ZNF75D: variants seen among roughly 807,000 people sequenced by gnomAD.
The protein encoded by ZNF75D is zinc finger protein 75D, also known as zinc finger protein 75.
A neutral mutation model predicts 33.3 loss-of-function variants in ZNF75D; 33 were observed. The ratio of observed to expected loss-of-function variants is 0.99; its 90% CI spans 0.75 to 1.32. ZNF75D has a LOEUF of 1.32. Ranked by LOEUF, ZNF75D falls within the 40% of genes most tolerant of loss-of-function variation. The pLI, the probability that ZNF75D is intolerant of heterozygous loss-of-function variation, is 0.00. For synonymous variants in ZNF75D, 113 were observed against 130.6 expected, an observed-to-expected ratio of 0.87 and a Z score of 0.92; for missense variants, 338 against 367.5, an observed-to-expected ratio of 0.92 and a Z score of 0.66.
At chrX:135,307,484 C>G in intron 1 of ZNF75D, among the ~76,000 whole-genome samples, 1 of 111,831 alleles carries the variant, frequency 8.9e-6, no homozygotes, top group East Asian at 2.8e-4. Context: ...CCTGGAAAAT[C>G]CATGTCCTGC....
Position 135,287,193 on chromosome X carries a change from G to C in ZNF75D, c.1477C>G (p.Leu493Val), listed in dbSNP as rs782365684. 1 of 1,209,601 alleles carries C rather than the reference G, an allele frequency of 8.3e-7. No homozygotes were observed. Among genetic ancestry groups the C allele is most frequent in the Non-Finnish European group, 1.1e-6 (1 of 895,163 alleles). The change falls in exon 7 of 7, where the codon CTT becomes GTT. Residue 493 changes from leucine (L) to valine (V), a missense_variant. This residue lies in a region of ZNF75D where 79 missense variants were observed against 80.1 expected (regional missense o/e 0.99). Coordinates refer to ENST00000370766, the MANE Select transcript of ZNF75D (RefSeq NM_007131.5). Reference protein sequence around the residue: ...KRNFSRRSSLLRHQKLHRRRE... With the variant: ...KRNFSRRSSLVRHQKLHRRRE... ...CTTCTGTGGAGTTTCTGGTGTCTAA[G>C]AAGGCTCGATCGCCTACTAAAGTTT...
intron 1 of ZNF75D, among the ~76,000 whole-genome samples, chrX:135,275,452 T>G (rs1271438982): frequency 9.0e-6 from 1 of 111,558 alleles, no homozygotes; most frequent in African/African-American, 3.3e-5. Flanking sequence ...AAGTTATTAT[T>G]TTGTCTATCA....
At position 135,287,740 on chromosome X, in the gene ZNF75D, A is replaced by T. The variant is rs782342753; in HGVS notation, c.930T>A (p.Ile310=). The T allele has an allele frequency of 3.5e-5, 42 of 1,210,369 alleles. No homozygotes were observed. In the South Asian group the frequency reaches 7.4e-4, roughly 21 times the overall value. Residue 310 remains isoleucine (I), a synonymous_variant, in exon 7 of 7, where the codon ATT becomes ATA. Coordinates refer to ENST00000370766, the MANE Select transcript of ZNF75D (RefSeq NM_007131.5). ...CEVSKKTRMK[I]AQKTMGRENP... is the part of the protein sequence containing the mutation. ...TTTCCCTGCCCATTGTTTTCTGGGC[A>T]ATTTTCATTCTGGTCTTTTTTGATA... is the stretch of plus-strand genomic sequence containing the variant.
chrX:135,263,458 C>T (rs2083850833), intron 1 of ZNF75D, among the ~76,000 whole-genome samples: 1 of 113,012 alleles, frequency 8.8e-6, no homozygotes, highest in South Asian at 3.6e-4. Flanking sequence ...TGTTGAGCTG[C>T]AGTGGGCTCG....
At chrX:135,258,290 T>C (rs1169758734) in intron 1 of ZNF75D, among the ~76,000 whole-genome samples, 1 of 110,113 alleles carries the variant, frequency 9.1e-6, no homozygotes, top group African/African-American at 3.3e-5. Flanking sequence ...GCATGATTTA[T>C]AATCCTTTGG....
At chrX:135,325,488 C>T (rs988252035) in intron 1 of ZNF75D, among the ~76,000 whole-genome samples, 2 of 111,368 alleles carry the variant, frequency 1.8e-5, no homozygotes, top group African/African-American at 6.5e-5. Context: ...GGGCTGCGAG[C>T]GGGCTTGCAG....
rs1310510557 is a variant in ZNF75D, at chrX:135,287,838, G to A, written c.832C>T (p.Leu278=). ...YETVISLGLK[L]KNDTGNDHPI... ...TGATCATTTCCAGTGTCATTTTTTA[G>A]CTTTAACCCTGTTAGAATAAACAGA... The change falls in exon 7 of 7, where the codon CTA becomes TTA. Residue 278 remains leucine (L), a synonymous_variant. Coordinates refer to ENST00000370766, the MANE Select transcript of ZNF75D (RefSeq NM_007131.5). 4 of 1,189,107 alleles carry A rather than the reference G, an allele frequency of 3.4e-6. No homozygotes were observed. The highest frequency in any genetic ancestry group is 3.4e-6 in the Non-Finnish European group (3 of 879,921).
chrX:135,293,052 C>A (rs1556421696), intron 3 of ZNF75D, among the ~76,000 whole-genome samples: 1 of 110,772 alleles, frequency 9.0e-6, no homozygotes, highest in African/African-American at 3.3e-5. Context: ...TCAAGGTAGG[C>A]TCCTGAAAAA....
At chrX:135,320,341 C>T (rs888244915) in intron 1 of ZNF75D, among the ~76,000 whole-genome samples, 11 of 110,631 alleles carry the variant, frequency 9.9e-5, no homozygotes, top group African/African-American at 3.6e-4. Flanking sequence ...ATATATGTTC[C>T]CAATCCATAC....
intron 1 of ZNF75D, chrX:135,327,884 A>G (rs1377529246): frequency 2.7e-5 from 3 of 112,108 alleles, no homozygotes; most frequent in Non-Finnish European, 1.9e-5. Flanking sequence ...TTTGGTCATG[A>G]CTGTAATTAT....
chrX:135,258,177 G>A (rs782051122), intron 1 of ZNF75D, among the ~76,000 whole-genome samples: 2 of 72,903 alleles, frequency 2.7e-5, no homozygotes, highest in African/African-American at 7.1e-5. Context: ...ATTCCATGGT[G>A]TATAATCCAG....
At chrX:135,291,253 G>A in intron 5 of ZNF75D, 118 bp from the exon 6 acceptor site, 2 of 948,218 alleles carry the variant, frequency 2.1e-6, no homozygotes, top group Non-Finnish European at 1.5e-6. Context: ...AAGATTTAGG[G>A]GAAAAAAGTG....
At chrX:135,261,939 T>A (rs185800823) in intron 1 of ZNF75D, among the ~76,000 whole-genome samples, 1 of 112,018 alleles carries the variant, frequency 8.9e-6, no homozygotes, top group East Asian at 2.8e-4. Context: ...TGGTACTGGT[T>A]GTTTTCATGT....
chrX:135,307,348 A>G (rs2084300790), intron 1 of ZNF75D, among the ~76,000 whole-genome samples: 1 of 110,969 alleles, frequency 9.0e-6, no homozygotes, highest in Non-Finnish European at 1.9e-5. Context: ...CAGTTCTTAC[A>G]TAAGATTGAG....
chrX:135,257,919 A>G (rs954593744), intron 1 of ZNF75D, among the ~76,000 whole-genome samples: 1 of 109,737 alleles, frequency 9.1e-6, no homozygotes, highest in Non-Finnish European at 1.9e-5. Context: ...CCATCAACTC[A>G]TCATTCACAT....
chrX:135,273,118 A>T (rs1245331198), intron 1 of ZNF75D, among the ~76,000 whole-genome samples: 1 of 111,932 alleles, frequency 8.9e-6, no homozygotes, highest in Non-Finnish European at 1.9e-5. Context: ...AGGTAAGCCT[A>T]AAGTTTGGGA....
chrX:135,322,352 T>G (rs1294106626), intron 1 of ZNF75D, among the ~76,000 whole-genome samples: 1 of 111,733 alleles, frequency 8.9e-6, no homozygotes, highest in African/African-American at 3.3e-5. Flanking sequence ...AACAGAAAAC[T>G]AATACAAAGG....
At chrX:135,284,419 G>A (rs2083932843), downstream of ZNF75D, among the ~76,000 whole-genome samples, 1 of 111,690 alleles carries the variant, frequency 9.0e-6, no homozygotes, top group African/African-American at 3.3e-5. Flanking sequence ...AGGATGCACG[G>A]GGAATGTGGC....
chrX:135,311,160 C>T (rs1291170077), intron 1 of ZNF75D, among the ~76,000 whole-genome samples: 1 of 112,630 alleles, frequency 8.9e-6, no homozygotes, highest in Non-Finnish European at 1.9e-5. Flanking sequence ...AAAATCGTGG[C>T]TAGGCCTTTG....
Sources: gnomAD v4.1 joint callset for allele counts (sites outside exome capture counted in the v4.1 genomes callset) on GRCh38, gnomAD v4.1.1 for gene constraint, gnomAD v4.1.1 regional missense constraint, MANE v1.5 for transcripts, NCBI Gene and HGNC (gene_info 2026-07-23, HGNC 2026-07-21) for gene names.